FAM204A: variants seen among roughly 807,000 people sequenced by gnomAD.
The protein encoded by FAM204A is protein FAM204A.
Under a neutral mutation model 35.4 loss-of-function variants are expected in FAM204A, and 16 were observed. That is an observed-to-expected ratio of 0.45 (90% confidence interval 0.31 to 0.69). FAM204A has a LOEUF of 0.69. FAM204A is among the 30% of genes least tolerant of loss of function. FAM204A has a pLI of 0.07. For synonymous variants in FAM204A, 76 were observed against 86.9 expected, an observed-to-expected ratio of 0.88 and a Z score of 0.70; for missense variants, 240 against 265.7, an observed-to-expected ratio of 0.90 and a Z score of 0.67.
rs1411736730 is a variant in FAM204A, at chr10:118,308,894, AAAAT to A, written c.*1959_*1962del. On this transcript the variant is annotated 3_prime_UTR_variant, in exon 9 of 9. Transcript: ENST00000369183. Reference sequence around the variant, plus strand: ...AGGAGTAGAAACAGAAAAAAAAAAAAAAATGAGACTGAAGTCAAAGGGAAATGCC... The same window carrying A: ...AGGAGTAGAAACAGAAAAAAAAAAAAGAGACTGAAGTCAAAGGGAAATGCC... The A allele has an allele frequency of 6.6e-6, 1 of 152,096 alleles. No homozygotes were observed. The highest frequency in any genetic ancestry group is 1.5e-5 in the Non-Finnish European group (1 of 68,026). 9.4% of individuals were successfully genotyped at this position (152,096 alleles called of 1,614,324 possible). A position where few individuals can be genotyped will look rare whatever the true frequency, so the allele number is the denominator to read the frequency against.
At chr10:118,312,134 T>C (rs1845962646) in intron 7 of FAM204A, among the ~76,000 whole-genome samples, 3 of 152,226 alleles carry the variant, frequency 2.0e-5, no homozygotes, top group African/African-American at 7.2e-5. Flanking sequence ...ATAAGCATTG[T>C]GATGGTATCT....
At chr10:118,318,158 C>T (rs572979138) in intron 7 of FAM204A, among the ~76,000 whole-genome samples, 87 of 152,018 alleles carry the variant, frequency 5.7e-4, no homozygotes, top group African/African-American at 1.9e-3. Flanking sequence ...AAATGGTCTC[C>T]TAAACTCTAC....
chr10:118,326,353 T>C (rs1408564924), intron 6 of FAM204A, 110 bp from the exon 7 acceptor site: 19 of 898,978 alleles, frequency 2.1e-5, no homozygotes, highest in Non-Finnish European at 3.2e-5. Flanking sequence ...AGACCATTAA[T>C]TCTCACAATA....
intron 7 of FAM204A, among the ~76,000 whole-genome samples, chr10:118,319,461 T>C (rs1318440120): frequency 1.3e-5 from 2 of 151,988 alleles, no homozygotes; most frequent in Non-Finnish European, 2.9e-5. Context: ...TATAATAAAA[T>C]TAAAATTCAA....
chr10:118,314,315 A>C (rs1845997177), intron 7 of FAM204A, among the ~76,000 whole-genome samples: 1 of 152,186 alleles, frequency 6.6e-6, no homozygotes. Context: ...CACTAAGCAA[A>C]CCTGGTCTAT....
rs550162406 is a variant in FAM204A, at chr10:118,299,968, G to C, written c.*10889C>G. ...CTATCCCTAAATCACAAGTAGATTGGAAGTGGGTCTTGTGTGGCCTTGATT... is the reference window on the plus strand; with the variant it reads ...CTATCCCTAAATCACAAGTAGATTGCAAGTGGGTCTTGTGTGGCCTTGATT... On this transcript the variant is annotated 3_prime_UTR_variant, in exon 9 of 9. Transcript: ENST00000369183. The C allele has an allele frequency of 2.6e-5, 4 of 152,308 alleles. No individual in the cohort carries two copies. The highest frequency in any genetic ancestry group is 5.9e-5 in the Non-Finnish European group (4 of 68,026). 9.4% of individuals were successfully genotyped at this position (152,308 alleles called of 1,614,324 possible).
At chr10:118,333,116 CT>C (rs1275754473) in intron 6 of FAM204A, among the ~76,000 whole-genome samples, 2 of 152,120 alleles carry the variant, frequency 1.3e-5, no homozygotes, top group African/African-American at 4.8e-5. Context: ...GACAGCAGTG[CT>C]GTAAACAGAC....
intron 2 of FAM204A, among the ~76,000 whole-genome samples, chr10:118,339,485 G>C (rs1846439970): frequency 6.6e-6 from 1 of 152,114 alleles, no homozygotes; most frequent in Non-Finnish European, 1.5e-5. Flanking sequence ...TTTTAAGGCA[G>C]ATAATCCCAA....
intron 3 of FAM204A, 54 bp from the exon 4 acceptor site, chr10:118,335,695 C>T: frequency 6.1e-6 from 8 of 1,306,410 alleles, no homozygotes; most frequent in Middle Eastern, 2.2e-4. Context: ...GAAAAACATG[C>T]ATTTAAAAAA....
chr10:118,322,220 A>T (rs1846128881), intron 7 of FAM204A: 1 of 392,242 alleles, frequency 2.5e-6, no homozygotes, highest in African/African-American at 2.1e-5. Context: ...ACAGTCTCAG[A>T]TTATCTCCTA....
chr10:118,314,701 G>A (rs1352437798), intron 7 of FAM204A, among the ~76,000 whole-genome samples: 1 of 152,090 alleles, frequency 6.6e-6, no homozygotes, highest in African/African-American at 2.4e-5. Context: ...ATGGTTTTGG[G>A]TCATCAGATA....
chr10:118,319,141 T>G (rs1050869650), intron 7 of FAM204A, among the ~76,000 whole-genome samples: 7 of 152,000 alleles, frequency 4.6e-5, no homozygotes, highest in Non-Finnish European at 1.0e-4. Flanking sequence ...GAGAAAGGAC[T>G]ACTTCTCAGA....
In FAM204A at chr10:118,310,503, AAAG is replaced by A. The variant is rs1845934379; in HGVS notation, c.*351_*353del. 2 of 193,442 alleles carry A rather than the reference AAAG, an allele frequency of 1.0e-5. No individual in the cohort carries two copies. Among genetic ancestry groups the A allele is most frequent in the African/African-American group, 2.4e-5 (1 of 41,990 alleles). The allele number at this position is 193,442 out of a possible 1,614,324, so 12.0% of individuals were successfully genotyped here. On this transcript the variant is annotated 3_prime_UTR_variant, in exon 9 of 9. Coordinates refer to ENST00000369183, the MANE Select transcript of FAM204A (RefSeq NM_022063.3). ...GGCTCTGTCTCAAAAAAAAAAAAAA[AAAG>A]AAAGAAAGTACGAGAAGCTCACTGG...
rs773578321 is a variant in FAM204A at position 118,335,249 on chromosome 10, T to C, written c.354-36A>G. ...ATAGTAAGTTTTGTTTTATACAATA[T>C]ATACTGTCTTTACTTTTACTGTTTT... On this transcript the variant is annotated intron_variant, in intron 5 of 8. Coordinates refer to ENST00000369183, the MANE Select transcript of FAM204A (RefSeq NM_022063.3). 47 of 1,581,416 alleles carry C rather than the reference T, an allele frequency of 3.0e-5. No homozygotes were observed. In the Admixed American group the frequency reaches 4.6e-4, roughly 15 times the overall value.
At position 118,299,265 on chromosome 10, in the gene FAM204A, T is replaced by C. The variant is rs1461979450; in HGVS notation, c.*11592A>G. Reference sequence around the variant, plus strand: ...AAGTGTTTTCATACCACTCTCCATTTCCTGCTTTGAGCTGCCCTTCCTGTC... The same window carrying C: ...AAGTGTTTTCATACCACTCTCCATTCCCTGCTTTGAGCTGCCCTTCCTGTC... On this transcript the variant is annotated 3_prime_UTR_variant, in exon 9 of 9. Transcript: ENST00000369183. 6.6e-6 allele frequency: 1 copy of C among 152,138 alleles called. No homozygotes were observed. The highest frequency in any genetic ancestry group is 2.4e-5 in the African/African-American group (1 of 41,410). 9.4% of individuals were successfully genotyped at this position (152,138 alleles called of 1,614,324 possible). A position where few individuals can be genotyped will look rare whatever the true frequency, so the allele number is the denominator to read the frequency against.
chr10:118,339,244 C>G (rs1195456396), intron 2 of FAM204A, among the ~76,000 whole-genome samples: 3 of 152,156 alleles, frequency 2.0e-5, no homozygotes, highest in Non-Finnish European at 4.4e-5. Context: ...TGGAGTTGCC[C>G]GTGTAAGCAG....
At chr10:118,315,460 G>A (rs530784359) in intron 7 of FAM204A, among the ~76,000 whole-genome samples, 11 of 151,942 alleles carry the variant, frequency 7.2e-5, no homozygotes, top group Non-Finnish European at 1.0e-4. Flanking sequence ...ACACTTTCAA[G>A]GCACTTATTT....
intron 2 of FAM204A, among the ~76,000 whole-genome samples, chr10:118,339,623 A>G (rs1252829402): frequency 6.6e-6 from 1 of 152,230 alleles, no homozygotes; most frequent in Non-Finnish European, 1.5e-5. Context: ...GTATTAATTC[A>G]TAAGCTTTCA....
chr10:118,333,252 T>C (rs922470441), intron 6 of FAM204A, among the ~76,000 whole-genome samples: 1 of 152,132 alleles, frequency 6.6e-6, no homozygotes, highest in Non-Finnish European at 1.5e-5. Flanking sequence ...GAGGGTTGAG[T>C]GAATACAAAA....
Sources: gnomAD v4.1 joint callset for allele counts (sites outside exome capture counted in the v4.1 genomes callset) on GRCh38, gnomAD v4.1.1 for gene constraint, MANE v1.5 for transcripts, NCBI Gene and HGNC (gene_info 2026-07-23, HGNC 2026-07-21) for gene names.